The following PRKCQ variants were observed in gnomAD, a reference collection of about 807,000 sequenced individuals.
The protein encoded by PRKCQ is protein kinase C theta type.
PRKCQ carries 41 observed loss-of-function variants against 91.2 expected under a neutral mutation model. That is an observed-to-expected ratio of 0.45 (90% CI 0.35 to 0.58). The LOEUF (loss-of-function observed/expected upper bound fraction) is 0.58, where lower values mean the gene tolerates loss of function less well. Among genes scored for constraint, PRKCQ ranks in the 20% least tolerant of loss-of-function variants. The pLI, the probability that PRKCQ is intolerant of heterozygous loss-of-function variation, is 0.00. For synonymous variants in PRKCQ, 307 were observed against 316.9 expected, an observed-to-expected ratio of 0.97 and a Z score of 0.33; for missense variants, 673 against 896.5, an observed-to-expected ratio of 0.75 and a Z score of 3.18.
rs771500817 is a variant in PRKCQ at position 6,511,189 on chromosome 10, C to T, written c.124G>A (p.Gly42Arg). ...GGCTTTTTCTGGATATACATCTGCC[C>T]GTTCTCTAGGAACAGAAACGTAAGG... is the stretch of plus-strand genomic sequence containing the variant. The part of the protein sequence containing the change: ...LVKEYVESEN[G>R]QMYIQKKPTM... The change falls in exon 3 of 18, where the codon GGG (glycine) becomes AGG (arginine). Residue 42 changes from glycine to arginine, a missense_variant. Transcript: ENST00000263125. 7.4e-6 allele frequency: 12 copies of T among 1,613,890 alleles called. No individual in the cohort carries two copies. The highest frequency in any genetic ancestry group is 1.3e-5 in the African/African-American group (1 of 74,978).
chr10:6,558,662 C>T lies in PRKCQ; in HGVS notation c.-10+21549G>A, dbSNP rs188183968. ...CAGCAGGTTTTTAGGAGAATCACAGCATGCTGGAATATCGTCATCTATTCT... is the reference window on the plus strand; with the variant it reads ...CAGCAGGTTTTTAGGAGAATCACAGTATGCTGGAATATCGTCATCTATTCT... On this transcript the variant is annotated intron_variant, in intron 1 of 17. Transcript: ENST00000263125. Among the ~76,000 whole-genome samples the T allele has an allele frequency of 2.2e-4, 34 of 152,330 alleles. No individual in the cohort carries two copies. In the East Asian group the frequency reaches 6.5e-3, roughly 29 times the overall value.
chr10:6,409,357 C>T, the PRKCQ span, among the ~76,000 whole-genome samples: 7 of 152,154 alleles, frequency 4.6e-5, no homozygotes, highest in Admixed American at 1.3e-4. Flanking sequence ...TGTAATGGCA[C>T]GATCTCGGCT....
intron 12 of PRKCQ, among the ~76,000 whole-genome samples, chr10:6,468,382 G>A (rs1363683826): frequency 6.6e-6 from 1 of 152,228 alleles, no homozygotes; most frequent in African/African-American, 2.4e-5. Context: ...TAGTTGTGAT[G>A]ACTATTCAAC....
chr10:6,545,653 G>A (rs1839924070), intron 1 of PRKCQ, among the ~76,000 whole-genome samples: 1 of 152,140 alleles, frequency 6.6e-6, no homozygotes, highest in Admixed American at 6.5e-5. Flanking sequence ...AAAAGGTTCT[G>A]GAGATGCGTG....
In PRKCQ at chr10:6,498,522, A is replaced by G; in HGVS notation, c.416T>C (p.Phe139Ser). The G allele has an allele frequency of 6.2e-7, 1 of 1,614,138 alleles. No individual in the cohort carries two copies. ...KDMNEFETEG[F>S]FALHQRRGAI... ...ACCCCGGCGCTGATGCAAAGCAAAG[A>G]AGCCTTCCGTCTCAAATTCATTCAT... The change falls in exon 5 of 18, where the codon TTC becomes TCC. Residue 139 changes from phenylalanine to serine, a missense_variant. Physicochemically the swap from Phe to Ser is radical, Grantham distance 155 (BLOSUM62 -2). Transcript: ENST00000263125.
rs539025528 is a variant in PRKCQ at position 6,448,598 on chromosome 10, G to A, written c.1648-6517C>T. 2.9e-4 allele frequency among the ~76,000 whole-genome samples: 44 copies of A among 152,038 alleles called. 1 individual carries two copies. The South Asian group carries it at 9.0e-3, about 31-fold the overall frequency. The stretch of plus-strand genomic sequence containing the variant: ...TAATTTTTTATATTTTAGTAGAGAC[G>A]GGGTTTCACCGTGTTAGCCACTATG... On this transcript the variant is annotated intron_variant, in intron 15 of 17. Transcript: ENST00000263125.
intron 4 of PRKCQ, 77 bp from the exon 5 acceptor site, chr10:6,498,635 G>C: frequency 6.9e-7 from 1 of 1,457,324 alleles, no homozygotes; most frequent in Non-Finnish European, 9.4e-7. Flanking sequence ...CAGGAGGGGA[G>C]GGAGATGGGC....
intron 1 of PRKCQ, among the ~76,000 whole-genome samples, chr10:6,561,038 C>A (rs376691574): frequency 3.8e-4 from 54 of 140,996 alleles, no homozygotes; most frequent in East Asian, 6.2e-4. Flanking sequence ...GACTCCATTT[C>A]AAAAAAAAAA....
rs369978873 is a variant in PRKCQ at position 6,545,804 on chromosome 10, A to C, written c.-9-30660T>G. On this transcript the variant is annotated intron_variant, in intron 1 of 17. Transcript: ENST00000263125. Reference sequence around the variant, plus strand: ...GAGGCAGGCAGATCACAAGGTGAGGAGTTCGAGACCAGCCTGGCAAACATG... The same window carrying C: ...GAGGCAGGCAGATCACAAGGTGAGGCGTTCGAGACCAGCCTGGCAAACATG... Among the ~76,000 whole-genome samples the C allele has an allele frequency of 2.9e-3, 436 of 152,272 alleles. 1 individual carries two copies. Among genetic ancestry groups the C allele is most frequent in the African/African-American group, 9.6e-3 (400 of 41,552 alleles).
At chr10:6,469,775 C>T (rs1204974936) in intron 12 of PRKCQ, among the ~76,000 whole-genome samples, 2 of 152,052 alleles carry the variant, frequency 1.3e-5, no homozygotes, top group African/African-American at 4.8e-5. Context: ...ATTCTTGATC[C>T]ATGGAGTCTG....
chr10:6,442,484 G>A (rs1834025075), intron 15 of PRKCQ, among the ~76,000 whole-genome samples: 1 of 152,148 alleles, frequency 6.6e-6, no homozygotes, highest in Non-Finnish European at 1.5e-5. Context: ...TTGCTGACTT[G>A]TACTGTCCTG....
chr10:6,471,373 C>A (rs1835957798), intron 12 of PRKCQ, among the ~76,000 whole-genome samples: 2 of 152,180 alleles, frequency 1.3e-5, no homozygotes, highest in South Asian at 2.1e-4. Flanking sequence ...GAAGCCTGAG[C>A]GTCTGAATGA....
intron 15 of PRKCQ, 94 bp downstream of exon 15, chr10:6,456,580 A>G: frequency 6.8e-7 from 1 of 1,463,674 alleles, no homozygotes; most frequent in Non-Finnish European, 9.2e-7. Flanking sequence ...TTGAATGAAG[A>G]TATTTAAAAC....
rs1837236981 is a variant in PRKCQ, at chr10:6,490,579, AG to A, written c.790+1103del. On this transcript the variant is annotated intron_variant, in intron 8 of 17. Coordinates refer to ENST00000263125, the MANE Select transcript of PRKCQ (RefSeq NM_006257.5). ...TACCTCTAAAAAAAAAAAAAAACAAAGAAAAACAAAAAAAACAAAAACAGGC... is the reference window on the plus strand; with the variant it reads ...TACCTCTAAAAAAAAAAAAAAACAAAAAAAACAAAAAAAACAAAAACAGGC... 2.1e-5 allele frequency among the ~76,000 whole-genome samples: 3 copies of A among 145,706 alleles called. No individual in the cohort carries two copies. In the South Asian group the frequency reaches 6.5e-4, roughly 32 times the overall value.
chr10:6,454,978 G>A (rs980827161), intron 15 of PRKCQ, among the ~76,000 whole-genome samples: 4 of 152,134 alleles, frequency 2.6e-5, no homozygotes, highest in Non-Finnish European at 5.9e-5. Flanking sequence ...GAAAAGACCC[G>A]GCACCCAAAA....
chr10:6,546,353 G>A (rs1204732077), intron 1 of PRKCQ, among the ~76,000 whole-genome samples: 2 of 152,204 alleles, frequency 1.3e-5, no homozygotes, highest in East Asian at 1.9e-4. Context: ...CAGTAGAAGT[G>A]CCCCTTGGGG....
At chr10:6,450,982 C>G (rs1283820076) in intron 15 of PRKCQ, among the ~76,000 whole-genome samples, 1 of 152,054 alleles carries the variant, frequency 6.6e-6, no homozygotes, top group Admixed American at 6.6e-5. Context: ...CAGGAAAAAT[C>G]CAAAACTGAC....
intron 15 of PRKCQ, among the ~76,000 whole-genome samples, chr10:6,451,610 C>G (rs1834683548): frequency 6.6e-6 from 1 of 152,114 alleles, no homozygotes; most frequent in Admixed American, 6.5e-5. Flanking sequence ...CAAAGCCAGG[C>G]AGAGACACAA....
intron 12 of PRKCQ, among the ~76,000 whole-genome samples, chr10:6,466,354 T>TG (rs1340599453): frequency 1.3e-5 from 2 of 152,096 alleles, no homozygotes; most frequent in Non-Finnish European, 2.9e-5. Flanking sequence ...TGGTGAGCAT[T>TG]GGGGGGGTTG....
Sources: allele counts gnomAD v4.1 joint callset (sites outside exome capture counted in the v4.1 genomes callset), GRCh38; gene constraint gnomAD v4.1.1; transcripts MANE v1.5; gene names NCBI Gene and HGNC (gene_info 2026-07-23, HGNC 2026-07-21).